PTPRD: variants seen among roughly 807,000 people sequenced by gnomAD.
PTPRD encodes the protein receptor-type tyrosine-protein phosphatase delta.
In PTPRD, 34 loss-of-function variants were observed where a neutral mutation model predicts 214.5. That is an observed-to-expected ratio of 0.16 (90% CI 0.12 to 0.21). PTPRD has a LOEUF of 0.21. Among genes scored for constraint, PTPRD ranks in the 10% least tolerant of loss-of-function variants. PTPRD has a pLI of 1.00. For missense variants in PTPRD, 2,545 were observed against 2,398.7 expected, an observed-to-expected ratio of 1.06 and a Z score of -1.27; for synonymous variants, 1,128 against 845.7, an observed-to-expected ratio of 1.33 and a Z score of -5.79.
At chr9:9,724,392 G>T (rs1316931797) in intron 7 of PTPRD, among the ~76,000 whole-genome samples, 1 of 152,166 alleles carries the variant, frequency 6.6e-6, no homozygotes, top group Non-Finnish European at 1.5e-5. Flanking sequence ...TGTTCAAGTT[G>T]TGTGCTTAAT....
intron 3 of PTPRD, among the ~76,000 whole-genome samples, chr9:10,195,427 G>A (rs1251035614): frequency 6.6e-6 from 1 of 152,034 alleles, no homozygotes; most frequent in African/African-American, 2.4e-5. Flanking sequence ...CCTGTTTGCT[G>A]TTACCTGTCC....
intron 4 of PTPRD, among the ~76,000 whole-genome samples, chr9:10,001,642 C>T (rs2096318646): frequency 6.6e-6 from 1 of 152,052 alleles, no homozygotes; most frequent in South Asian, 2.1e-4. Flanking sequence ...TAAGAATTCT[C>T]TACCTAACAA....
intron 11 of PTPRD, among the ~76,000 whole-genome samples, chr9:8,782,680 C>T (rs1244014591): frequency 6.6e-6 from 1 of 151,222 alleles, no homozygotes; most frequent in Non-Finnish European, 1.5e-5. Context: ...TCACTGCAAC[C>T]TCCACCTCCC....
At chr9:9,013,513 G>A (rs1589793642) in intron 11 of PTPRD, among the ~76,000 whole-genome samples, 1 of 152,050 alleles carries the variant, frequency 6.6e-6, no homozygotes, top group East Asian at 1.9e-4. Flanking sequence ...GTTTTCTTTT[G>A]CTTTGCTTTT....
intron 44 of PTPRD, among the ~76,000 whole-genome samples, chr9:8,330,648 A>T (rs972437932): frequency 6.6e-6 from 1 of 152,144 alleles, no homozygotes; most frequent in Admixed American, 6.6e-5. Context: ...AAGGGACTTT[A>T]AACCTCAGCT....
intron 9 of PTPRD, among the ~76,000 whole-genome samples, chr9:9,380,368 TG>T (rs2061861747): frequency 6.6e-6 from 1 of 152,124 alleles, no homozygotes; most frequent in Non-Finnish European, 1.5e-5. Context: ...TTTATATATT[TG>T]TTTTTAATTT....
intron 3 of PTPRD, among the ~76,000 whole-genome samples, chr9:10,059,414 T>A (rs965954508): frequency 5.3e-5 from 8 of 152,108 alleles, no homozygotes; most frequent in African/African-American, 1.9e-4. Context: ...GACCATTCTA[T>A]TTTACAAGGC....
rs551737352 is a variant in PTPRD, at chr9:8,771,674, A to G, written c.-103-37728T>C. Among the ~76,000 whole-genome samples, 9 of 152,326 alleles carry G rather than the reference A, an allele frequency of 5.9e-5. No homozygotes were observed. In the East Asian group the frequency reaches 1.3e-3, roughly 23 times the overall value. On this transcript the variant is annotated intron_variant, in intron 11 of 45. Transcript: ENST00000381196. ...ACTCAAAGTTCCAAAGTCATCTAAAAAGAAAAGTCGAATACTTAAAGGATA... is the reference window on the plus strand; with the variant it reads ...ACTCAAAGTTCCAAAGTCATCTAAAGAGAAAAGTCGAATACTTAAAGGATA...
At chr9:9,047,161 GC>G (rs2099674295) in intron 10 of PTPRD, among the ~76,000 whole-genome samples, 1 of 151,904 alleles carries the variant, frequency 6.6e-6, no homozygotes. Flanking sequence ...GTTTATAATA[GC>G]CACAAATAAA....
intron 10 of PTPRD, among the ~76,000 whole-genome samples, chr9:9,161,656 T>C (rs765993111): frequency 6.6e-6 from 1 of 152,128 alleles, no homozygotes; most frequent in Non-Finnish European, 1.5e-5. Flanking sequence ...AATACTGGTA[T>C]TCCTTGTTTC....
At chr9:10,442,645 G>A (rs1367958549) in intron 2 of PTPRD, among the ~76,000 whole-genome samples, 1 of 151,596 alleles carries the variant, frequency 6.6e-6, no homozygotes, top group East Asian at 1.9e-4. Context: ...CCCTGCCATT[G>A]CTGAGTTCTT....
chr9:9,396,537 C>G (rs1321040852), intron 9 of PTPRD, among the ~76,000 whole-genome samples: 2 of 151,968 alleles, frequency 1.3e-5, no homozygotes, highest in African/African-American at 2.4e-5. Flanking sequence ...TACAGTTGAT[C>G]TATTATTTCT....
intron 7 of PTPRD, among the ~76,000 whole-genome samples, chr9:9,622,323 A>G (rs1398223668): frequency 6.6e-6 from 1 of 152,210 alleles, no homozygotes; most frequent in Non-Finnish European, 1.5e-5. Context: ...GCAATCAAGT[A>G]GTAATTTCAG....
intron 12 of PTPRD, among the ~76,000 whole-genome samples, chr9:8,699,084 CTCT>C (rs973386857): frequency 1.4e-4 from 22 of 152,304 alleles, no homozygotes; most frequent in African/African-American, 5.1e-4. Context: ...AAAATGCACA[CTCT>C]TTTTTCAGAA....
chr9:8,507,545 C>A, intron 21 of PTPRD, 111 bp from the exon 22 acceptor site: 1 of 1,330,616 alleles, frequency 7.5e-7, no homozygotes, highest in Non-Finnish European at 1.0e-6. Flanking sequence ...CATGTACCAG[C>A]TTAGTGGAAA....
At position 10,398,729 on chromosome 9, in the gene PTPRD, A is replaced by C. The variant is rs147275205; in HGVS notation, c.-599-57712T>G. ...AGTCGTGATAATAATGATGATGATAAAAATGGCGGCCACGTATGCATATTG... is the reference window on the plus strand; with the variant it reads ...AGTCGTGATAATAATGATGATGATACAAATGGCGGCCACGTATGCATATTG... On this transcript the variant is annotated intron_variant, in intron 2 of 45. Coordinates refer to ENST00000381196, the MANE Select transcript of PTPRD (RefSeq NM_002839.4). Among the ~76,000 whole-genome samples, 337 of 152,148 alleles carry C rather than the reference A, an allele frequency of 2.2e-3. 2 individuals carry two copies. The highest frequency in any genetic ancestry group is 7.7e-3 in the African/African-American group (321 of 41,552).
At chr9:10,209,432 G>C (rs765238322) in intron 3 of PTPRD, among the ~76,000 whole-genome samples, 32 of 152,068 alleles carry the variant, frequency 2.1e-4, no homozygotes, top group Non-Finnish European at 4.0e-4. Flanking sequence ...TCTTCATTTA[G>C]AACATTTGAT....
At chr9:9,740,949 T>G (rs1768885) in intron 6 of PTPRD, among the ~76,000 whole-genome samples, 84,172 of 151,878 alleles carry the variant, frequency 0.55, 26,281 homozygotes, top group African/African-American at 0.85. Flanking sequence ...TGAGGTTCAT[T>G]GTGGAAATAG....
intron 11 of PTPRD, among the ~76,000 whole-genome samples, chr9:8,783,147 C>G (rs1378183099): frequency 6.6e-6 from 1 of 151,984 alleles, no homozygotes; most frequent in East Asian, 1.9e-4. Context: ...ATATATGAAT[C>G]ATAACGAAGA....
Sources: allele counts gnomAD v4.1 joint callset (sites outside exome capture counted in the v4.1 genomes callset), GRCh38; gene constraint gnomAD v4.1.1; transcripts MANE v1.5; gene names NCBI Gene and HGNC (gene_info 2026-07-23, HGNC 2026-07-21).